Variants in ZFHX4 observed in about 807,000 individuals in gnomAD.
ZFHX4 encodes zinc finger homeobox protein 4.
Under a neutral mutation model 267.6 loss-of-function variants are expected in ZFHX4, and 56 were observed. That is an observed-to-expected ratio of 0.21 (90% CI 0.17 to 0.26). ZFHX4 has a LOEUF of 0.26. ZFHX4 is among the 10% of genes least tolerant of loss of function. The pLI is 1.00. For missense variants in ZFHX4, 4,332 were observed against 4,420.0 expected, an observed-to-expected ratio of 0.98 and a Z score of 0.56; for synonymous variants, 1,778 against 1,665.6, an observed-to-expected ratio of 1.07 and a Z score of -1.64.
chr8:76,853,404 A>G lies in ZFHX4; in HGVS notation c.6483A>G (p.Glu2161=). 5.6e-6 allele frequency: 9 copies of G among 1,613,900 alleles called. No individual in the cohort carries two copies. The highest frequency in any genetic ancestry group is 7.6e-6 in the Non-Finnish European group (9 of 1,179,876). The part of the protein sequence containing the change: ...NNSPSEEQIQ[E]MAEKSGLSQK... Reference sequence around the variant, plus strand: ...CTCCAAGTGAAGAACAGATCCAGGAAATGGCAGAGAAATCTGGCCTCTCCC... The same window carrying G: ...CTCCAAGTGAAGAACAGATCCAGGAGATGGCAGAGAAATCTGGCCTCTCCC... The change falls in exon 10 of 11, where the codon GAA becomes GAG. Residue 2161 remains glutamate (E), a synonymous_variant. Transcript: ENST00000651372.
chr8:76,849,860 G>A, intron 8 of ZFHX4, 148 bp downstream of exon 8: 1 of 865,052 alleles, frequency 1.2e-6, no homozygotes, highest in Non-Finnish European at 1.8e-6. Context: ...TCACACTCAA[G>A]GCCCATTTGT....
At position 76,851,678 on chromosome 8, in the gene ZFHX4, G is replaced by A. The variant is rs372765924; in HGVS notation, c.4757G>A (p.Ser1586Asn). ...AGTCCTGTCCCACAAGAAACCAACA[G>A]CAACACAGATAACAAACCCTACAAG... The part of the protein sequence containing the change: ...ASSPVPQETN[S>N]NTDNKPYKCS... Residue 1586 changes from serine (S) to asparagine (N), a missense_variant, in exon 10 of 11, where the codon AGC becomes AAC. By Grantham distance (46) the Ser-to-Asn change is conservative. Transcript: ENST00000651372. 1.5e-5 allele frequency: 25 copies of A among 1,613,896 alleles called. No homozygotes were observed. Among genetic ancestry groups the A allele is most frequent in the Non-Finnish European group, 2.0e-5 (24 of 1,179,846 alleles).
At chr8:76,754,883 C>G (rs1448344420) in intron 3 of ZFHX4, among the ~76,000 whole-genome samples, 1 of 152,144 alleles carries the variant, frequency 6.6e-6, no homozygotes, top group Admixed American at 6.6e-5. Flanking sequence ...AATTCACTCT[C>G]TACTTCAATG....
intron 4 of ZFHX4, among the ~76,000 whole-genome samples, chr8:76,788,949 T>A (rs550787446): frequency 7.7e-4 from 118 of 152,370 alleles, no homozygotes; most frequent in Non-Finnish European, 1.5e-3. Flanking sequence ...ATTAGATTAA[T>A]AAAATAGTTC....
chr8:76,812,864 G>A (rs908957910), intron 4 of ZFHX4, among the ~76,000 whole-genome samples: 1 of 152,060 alleles, frequency 6.6e-6, no homozygotes, highest in East Asian at 1.9e-4. Flanking sequence ...TTAAAAAAAT[G>A]TATTTGATGG....
intron 3 of ZFHX4, 97 bp from the exon 4 acceptor site, chr8:76,778,111 G>A (rs1585934337): frequency 1.3e-6 from 1 of 795,002 alleles, no homozygotes; most frequent in East Asian, 2.5e-5. Flanking sequence ...GAGCATCTGT[G>A]TAACCAATGT....
intron 3 of ZFHX4, among the ~76,000 whole-genome samples, chr8:76,747,146 AT>A (rs1809479824): frequency 6.6e-6 from 1 of 152,130 alleles, no homozygotes; most frequent in African/African-American, 2.4e-5. Flanking sequence ...TATATTAATA[AT>A]TTTTTTAGAA....
At chr8:76,761,260 T>C (rs937019524) in intron 3 of ZFHX4, among the ~76,000 whole-genome samples, 1 of 152,238 alleles carries the variant, frequency 6.6e-6, no homozygotes, top group Admixed American at 6.5e-5. Flanking sequence ...CTGTTTTTGT[T>C]TGGTAGTTTA....
At chr8:76,707,367 G>A (rs1808303729) in intron 2 of ZFHX4, among the ~76,000 whole-genome samples, 179 bp from the exon 3 acceptor site, 3 of 152,150 alleles carry the variant, frequency 2.0e-5, no homozygotes, top group South Asian at 4.1e-4. Flanking sequence ...TATCTGATGA[G>A]GGAATTTAGA....
chr8:76,792,760 G>T (rs930884367), intron 4 of ZFHX4, among the ~76,000 whole-genome samples: 1 of 152,140 alleles, frequency 6.6e-6, no homozygotes, highest in Non-Finnish European at 1.5e-5. Context: ...GAAACTAATT[G>T]CAGGTAAACA....
chr8:76,753,573 G>C (rs532667351), intron 3 of ZFHX4, among the ~76,000 whole-genome samples: 12 of 150,678 alleles, frequency 8.0e-5, no homozygotes, highest in Admixed American at 3.3e-4. Context: ...TTTCTCTGTA[G>C]GTCTCTGATT....
chr8:76,855,234 T>C lies in ZFHX4; in HGVS notation c.8313T>C (p.Ser2771=). Reference sequence around the variant, plus strand: ...CACCGAAGAATCTTTTAAGCCCTTCTTCTTTTAAAGCAGAGTGTTCTGAGG... The same window carrying C: ...CACCGAAGAATCTTTTAAGCCCTTCCTCTTTTAAAGCAGAGTGTTCTGAGG... ...ELSPKNLLSP[S]SFKAECSEDV... The change falls in exon 10 of 11, where the codon TCT becomes TCC. Residue 2771 remains serine, a synonymous_variant. Coordinates refer to ENST00000651372, the MANE Select transcript of ZFHX4 (RefSeq NM_024721.5). 6.2e-7 allele frequency: 1 copy of C among 1,612,366 alleles called. No homozygotes were observed. The highest frequency in any genetic ancestry group is 8.5e-7 in the Non-Finnish European group (1 of 1,179,348).
chr8:76,854,585 C>T lies in ZFHX4; in HGVS notation c.7664C>T (p.Ser2555Phe). 2 of 1,613,722 alleles carry T rather than the reference C, an allele frequency of 1.2e-6. No homozygotes were observed. Among genetic ancestry groups the T allele is most frequent in the Non-Finnish European group, 1.7e-6 (2 of 1,179,834 alleles). The change falls in exon 10 of 11, where the codon TCC becomes TTC. Residue 2555 changes from serine (S) to phenylalanine (F), a missense_variant. Physicochemically the swap from Ser to Phe is radical, Grantham distance 155. This residue lies in a region of ZFHX4 where 1,648 missense variants were observed against 1,625.0 expected (regional missense o/e 1.01). Transcript: ENST00000651372. Reference sequence around the variant, plus strand: ...ATGACTGGACAACTGCTGGGCAGTTCCCTCACTCAAATGCCCCCTCAGGCC... The same window carrying T: ...ATGACTGGACAACTGCTGGGCAGTTTCCTCACTCAAATGCCCCCTCAGGCC... The part of the protein sequence containing the change: ...PLMTGQLLGS[S>F]LTQMPPQASS...
intron 4 of ZFHX4, among the ~76,000 whole-genome samples, chr8:76,785,371 A>G (rs1563521067): frequency 6.6e-6 from 1 of 152,110 alleles, no homozygotes; most frequent in East Asian, 1.9e-4. Flanking sequence ...GTGGATCTTC[A>G]CCCTATAATG....
Position 76,855,173 on chromosome 8 carries a change from C to T in ZFHX4, c.8252C>T (p.Thr2751Ile), listed in dbSNP as rs759401204. Reference protein sequence around the residue: ...DLSSENELASTVSTPVSKTAE... With the variant: ...DLSSENELASIVSTPVSKTAE... ...TCAAGTGAGAATGAATTGGCTTCTA[C>T]AGTGTCAACACCTGTTAGTAAAACA... The change falls in exon 10 of 11, where the codon ACA (threonine) becomes ATA (isoleucine). Residue 2751 changes from threonine to isoleucine, a missense_variant. By Grantham distance (89) the Thr-to-Ile change is moderately conservative (BLOSUM62 -1). Around this residue, in one of 7 missense-constraint regions of ZFHX4, gnomAD observed 1,648 missense variants for 1,625.0 expected, o/e 1.01. Transcript: ENST00000651372. The T allele has an allele frequency of 2.5e-6, 4 of 1,613,590 alleles. No homozygotes were observed. The highest frequency in any genetic ancestry group is 3.4e-6 in the Non-Finnish European group (4 of 1,179,766).
At chr8:76,695,205 G>A (rs1272093717) in intron 1 of ZFHX4, among the ~76,000 whole-genome samples, 1 of 152,040 alleles carries the variant, frequency 6.6e-6, no homozygotes, top group South Asian at 2.1e-4. Context: ...AAAAGAATGA[G>A]GTCATTTATA....
intron 3 of ZFHX4, among the ~76,000 whole-genome samples, chr8:76,709,213 A>G (rs1286623071): frequency 1.3e-5 from 2 of 152,162 alleles, no homozygotes; most frequent in East Asian, 3.9e-4. Context: ...CTTGAAGTTG[A>G]AATTCTAGAT....
chr8:76,747,254 T>G (rs556477202), intron 3 of ZFHX4, among the ~76,000 whole-genome samples: 5 of 152,316 alleles, frequency 3.3e-5, no homozygotes, highest in East Asian at 1.9e-4. Flanking sequence ...GCATGCTCTA[T>G]TAAGCTCGAT....
chr8:76,703,374 C>T (rs928798413), intron 1 of ZFHX4, among the ~76,000 whole-genome samples: 18 of 152,086 alleles, frequency 1.2e-4, no homozygotes, highest in Non-Finnish European at 2.4e-4. Context: ...TTCTGTTGCC[C>T]ATTGAGGTGA....
Sources: allele counts gnomAD v4.1 joint callset (sites outside exome capture counted in the v4.1 genomes callset), GRCh38; gene constraint gnomAD v4.1.1; regional missense constraint gnomAD v4.1.1; transcripts MANE v1.5; gene names NCBI Gene and HGNC (gene_info 2026-07-23, HGNC 2026-07-21).